Variants in GRID2 observed in about 807,000 individuals in gnomAD.
GRID2 encodes the protein glutamate ionotropic receptor delta type subunit 2.
In GRID2, 33 loss-of-function variants were observed where a neutral mutation model predicts 114.8. The ratio of observed to expected loss-of-function variants is 0.29; its 90% CI spans 0.22 to 0.38. The LOEUF is 0.38. GRID2 is among the 10% of genes least tolerant of loss of function. The probability of loss-of-function intolerance (pLI) is 1.00; values close to 1 mark genes in which losing one functional copy is unlikely to be tolerated. For synonymous variants in GRID2, 505 were observed against 449.9 expected, an observed-to-expected ratio of 1.12 and a Z score of -1.55; for missense variants, 1,184 against 1,257.7, an observed-to-expected ratio of 0.94 and a Z score of 0.89.
intron 2 of GRID2, among the ~76,000 whole-genome samples, chr4:92,711,178 A>C (rs566374722): frequency 4.3e-4 from 65 of 152,226 alleles, no homozygotes; most frequent in Middle Eastern, 3.4e-3. Context: ...CCAAAAGTAA[A>C]ATTTTAAAAT....
At chr4:92,629,220 A>G (rs573066330) in intron 2 of GRID2, among the ~76,000 whole-genome samples, 2 of 152,112 alleles carry the variant, frequency 1.3e-5, no homozygotes, top group East Asian at 3.9e-4. Flanking sequence ...TCTCGTATGT[A>G]TGCCAAGAAA....
chr4:92,876,486 A>G (rs891421265), intron 2 of GRID2, among the ~76,000 whole-genome samples: 4 of 151,938 alleles, frequency 2.6e-5, no homozygotes, highest in African/African-American at 4.8e-5. Flanking sequence ...TTGTATTTTT[A>G]GTAAAGACGG....
At chr4:92,923,469 A>T (rs1022040327) in intron 2 of GRID2, among the ~76,000 whole-genome samples, 12 of 152,170 alleles carry the variant, frequency 7.9e-5, no homozygotes, top group Non-Finnish European at 1.8e-4. Context: ...TACAAATTCA[A>T]GTGAATAGTA....
At chr4:92,713,461 TTACATA>T (rs200900799) in intron 2 of GRID2, among the ~76,000 whole-genome samples, 2,380 of 85,168 alleles carry the variant, frequency 0.028, 88 homozygotes, top group East Asian at 0.084. Context: ...TTACATATAT[TTACATA>T]TACATATACA....
intron 2 of GRID2, among the ~76,000 whole-genome samples, chr4:92,726,802 C>T (rs1292230291): frequency 3.9e-5 from 6 of 151,982 alleles, no homozygotes; most frequent in Non-Finnish European, 8.8e-5. Context: ...GGTTCGGCTC[C>T]AGCGAAATAA....
chr4:93,516,709 A>T (rs1293161979), intron 13 of GRID2, among the ~76,000 whole-genome samples: 3 of 152,000 alleles, frequency 2.0e-5, no homozygotes, highest in Non-Finnish European at 4.4e-5. Flanking sequence ...TGGGGAAGGG[A>T]GGAGGAGGGT....
chr4:93,560,243 A>AAAAC (rs1180183251), intron 13 of GRID2, among the ~76,000 whole-genome samples: 1 of 149,750 alleles, frequency 6.7e-6, no homozygotes, highest in South Asian at 2.1e-4. Flanking sequence ...AAAAAAAAAA[A>AAAAC]AAAAAAAAAA....
chr4:93,219,383 T>C (rs1272030850), intron 6 of GRID2, among the ~76,000 whole-genome samples: 1 of 152,162 alleles, frequency 6.6e-6, no homozygotes, highest in Non-Finnish European at 1.5e-5. Flanking sequence ...ATATTCCTAA[T>C]CTTACCTGAA....
intron 14 of GRID2, among the ~76,000 whole-genome samples, chr4:93,745,881 C>T (rs1731801264): frequency 6.6e-6 from 1 of 152,030 alleles, no homozygotes; most frequent in South Asian, 2.1e-4. Context: ...TTAATTAACT[C>T]TTTCAGCAAA....
At chr4:93,757,944 G>A (rs1457746057) in intron 14 of GRID2, among the ~76,000 whole-genome samples, 3 of 152,120 alleles carry the variant, frequency 2.0e-5, no homozygotes, top group Non-Finnish European at 2.9e-5. Flanking sequence ...GAAACAGGGC[G>A]AGACTCCGTC....
chr4:93,144,172 C>T (rs1016105790), intron 4 of GRID2, among the ~76,000 whole-genome samples: 4 of 152,056 alleles, frequency 2.6e-5, no homozygotes, highest in African/African-American at 9.7e-5. Context: ...GTCTAGGGAC[C>T]ACACTTTGCG....
At chr4:92,527,352 C>A (rs1201407268) in intron 1 of GRID2, among the ~76,000 whole-genome samples, 1 of 152,104 alleles carries the variant, frequency 6.6e-6, no homozygotes, top group Non-Finnish European at 1.5e-5. Context: ...ATCAAGGCTA[C>A]TACTTTATAC....
intron 11 of GRID2, among the ~76,000 whole-genome samples, chr4:93,469,359 T>C (rs926060032): frequency 2.6e-5 from 4 of 152,052 alleles, no homozygotes; most frequent in Admixed American, 2.6e-4. Flanking sequence ...ATCAAATCAA[T>C]CTACTAATAA....
At chr4:93,306,010 A>G (rs1755381432) in intron 8 of GRID2, 1 of 152,214 alleles carries the variant, frequency 6.6e-6, no homozygotes, top group Admixed American at 6.5e-5. Context: ...AATTACCTCA[A>G]CATACACTTG....
At chr4:92,737,506 A>C (rs979882340) in intron 2 of GRID2, among the ~76,000 whole-genome samples, 1 of 152,096 alleles carries the variant, frequency 6.6e-6, no homozygotes, top group African/African-American at 2.4e-5. Context: ...GACTTTAGCT[A>C]TATGTGTCAT....
At chr4:93,721,668 T>C (rs1729384887) in intron 14 of GRID2, among the ~76,000 whole-genome samples, 1 of 152,182 alleles carries the variant, frequency 6.6e-6, no homozygotes, top group African/African-American at 2.4e-5. Context: ...GCATAGTGTC[T>C]GTCAAGTCAT....
intron 2 of GRID2, among the ~76,000 whole-genome samples, chr4:92,930,011 CCTT>C (rs1327826253): frequency 6.6e-6 from 1 of 151,152 alleles, no homozygotes; most frequent in East Asian, 1.9e-4. Flanking sequence ...ATGGGAAACT[CCTT>C]CTCCCTCCCT....
At chr4:93,451,757 T>A (rs961107817) in intron 10 of GRID2, among the ~76,000 whole-genome samples, 1 of 152,036 alleles carries the variant, frequency 6.6e-6, no homozygotes, top group Non-Finnish European at 1.5e-5. Flanking sequence ...GATATTAGGA[T>A]GCTCAGGAGG....
chr4:92,920,531 A>G (rs1261058181), intron 2 of GRID2, among the ~76,000 whole-genome samples: 1 of 152,112 alleles, frequency 6.6e-6, no homozygotes, highest in Admixed American at 6.6e-5. Context: ...GAGCTCTTTT[A>G]GGGCAGGCCT....
Sources: allele counts gnomAD v4.1 joint callset (sites outside exome capture counted in the v4.1 genomes callset), GRCh38; gene constraint gnomAD v4.1.1; transcripts MANE v1.5; gene names NCBI Gene and HGNC (gene_info 2026-07-23, HGNC 2026-07-21).